PPP3CB: variants seen among roughly 807,000 people sequenced by gnomAD.
The protein encoded by PPP3CB is serine/threonine-protein phosphatase 2B catalytic subunit beta isoform.
A neutral mutation model predicts 66.4 loss-of-function variants in PPP3CB; 8 were observed. That is an observed-to-expected ratio of 0.12 (90% CI 0.07 to 0.22). The LOEUF (loss-of-function observed/expected upper bound fraction) is 0.22. PPP3CB is among the 10% of genes least tolerant of loss of function. The pLI is 1.00. For synonymous variants in PPP3CB, 208 were observed against 221.2 expected, an observed-to-expected ratio of 0.94 and a Z score of 0.53; for missense variants, 319 against 642.5, an observed-to-expected ratio of 0.50 and a Z score of 5.44.
At chr10:73,468,187 G>A (rs1310084469) in intron 8 of PPP3CB, among the ~76,000 whole-genome samples, 3 of 151,982 alleles carry the variant, frequency 2.0e-5, no homozygotes, top group Non-Finnish European at 4.4e-5. Context: ...GAATGTATTT[G>A]TTTCATTTAA....
intron 9 of PPP3CB, 148 bp downstream of exon 9, chr10:73,467,405 C>G: frequency 3.7e-6 from 2 of 547,430 alleles, no homozygotes; most frequent in South Asian, 3.8e-5. Context: ...CTTTGAGACT[C>G]TTATGTCCAC....
chr10:73,474,668 G>A (rs1226378207), intron 4 of PPP3CB, among the ~76,000 whole-genome samples: 1 of 151,394 alleles, frequency 6.6e-6, no homozygotes, highest in Non-Finnish European at 1.5e-5. Flanking sequence ...TCCAACTCCT[G>A]AGCTCAGGCA....
intron 9 of PPP3CB, among the ~76,000 whole-genome samples, chr10:73,464,313 T>C (rs1175406168): frequency 1.3e-5 from 2 of 152,208 alleles, no homozygotes; most frequent in East Asian, 3.8e-4. Flanking sequence ...ATTATCATTA[T>C]TTATATATAT....
rs1045407719 is a variant in PPP3CB, at chr10:73,437,530, A to T, written c.*712T>A. 4 of 152,662 alleles carry T rather than the reference A, an allele frequency of 2.6e-5. No individual in the cohort carries two copies. Among genetic ancestry groups the T allele is most frequent in the African/African-American group, 9.6e-5 (4 of 41,454 alleles). The allele number at this position is 152,662 out of a possible 1,614,324, so 9.5% of individuals were successfully genotyped here. A position where few individuals can be genotyped will look rare whatever the true frequency, so the allele number is the denominator to read the frequency against. ...ATTCTGTAATTCTTCATAATTTTGA[A>T]ATTTAGAGGTTTTCTTCTTAAATCT... On this transcript the variant is annotated 3_prime_UTR_variant, in exon 14 of 14. Transcript: ENST00000360663.
rs532827244 is a variant in PPP3CB at position 73,493,241 on chromosome 10, A to G, written c.85+2564T>C. 1.5e-4 allele frequency among the ~76,000 whole-genome samples: 22 copies of G among 148,794 alleles called. No individual in the cohort carries two copies. In the South Asian group the frequency reaches 4.6e-3, roughly 31 times the overall value. ...CAGTGAGTAGAGATCGCGCCACTGCACTCCACTTGGGCAACAAGAGTGAAA... is the reference window on the plus strand; with the variant it reads ...CAGTGAGTAGAGATCGCGCCACTGCGCTCCACTTGGGCAACAAGAGTGAAA... On this transcript the variant is annotated intron_variant, in intron 1 of 13. Transcript: ENST00000360663.
At chr10:73,439,794 A>C (rs1589679372) in intron 13 of PPP3CB, 78 bp downstream of exon 13, 4 of 1,503,136 alleles carry the variant, frequency 2.7e-6, no homozygotes, top group Non-Finnish European at 3.7e-6. Flanking sequence ...GCTAGGAGTA[A>C]AACACACCCA....
At chr10:73,470,808 T>A in intron 7 of PPP3CB, 27 bp from the exon 8 acceptor site, 1 of 1,585,268 alleles carries the variant, frequency 6.3e-7, no homozygotes, top group Non-Finnish European at 8.7e-7. Context: ...TTAATATGCA[T>A]CGTAAAGCAT....
chr10:73,457,613 C>G (rs988029605), intron 9 of PPP3CB, among the ~76,000 whole-genome samples: 1 of 151,882 alleles, frequency 6.6e-6, no homozygotes, highest in Non-Finnish European at 1.5e-5. Context: ...TGGCACATGC[C>G]TGTAATCCCA....
At chr10:73,454,949 T>C (rs1409004073) in intron 9 of PPP3CB, among the ~76,000 whole-genome samples, 1 of 151,894 alleles carries the variant, frequency 6.6e-6, no homozygotes, top group African/African-American at 2.4e-5. Flanking sequence ...CTCGGCTCAC[T>C]GCAACCTCTG....
chr10:73,493,747 A>C (rs2057115904), intron 1 of PPP3CB, among the ~76,000 whole-genome samples: 1 of 152,224 alleles, frequency 6.6e-6, no homozygotes, highest in African/African-American at 2.4e-5. Flanking sequence ...TGATAACCAT[A>C]AGCTTTATTT....
intron 4 of PPP3CB, among the ~76,000 whole-genome samples, chr10:73,474,097 C>T (rs144074194): frequency 0.045 from 6,813 of 151,964 alleles, 464 homozygotes; most frequent in African/African-American, 0.15. Flanking sequence ...GGCTGGAGTA[C>T]AATGGCGCGA....
In PPP3CB at chr10:73,455,191, TTAAAAA is replaced by T. The variant is rs1432141709; in HGVS notation, c.1109-708_1109-703del. The stretch of plus-strand genomic sequence containing the variant: ...GGCCACTGCGCCTGGCCTTAATCTT[TTAAAAA>T]CTGGCTCAGCAACTCTCTTGAAATT... On this transcript the variant is annotated intron_variant, in intron 9 of 13. Coordinates refer to ENST00000360663, the MANE Select transcript of PPP3CB (RefSeq NM_021132.4). Among the ~76,000 whole-genome samples, 8 of 152,220 alleles carry T rather than the reference TTAAAAA, an allele frequency of 5.3e-5. No individual in the cohort carries two copies. In the East Asian group the frequency reaches 1.4e-3, roughly 26 times the overall value.
chr10:73,488,710 A>C (rs1400245430), intron 1 of PPP3CB, among the ~76,000 whole-genome samples: 1 of 152,148 alleles, frequency 6.6e-6, no homozygotes, highest in Non-Finnish European at 1.5e-5. Context: ...GTCTCTTTTA[A>C]TTTGTGGTGG....
chr10:73,446,642 A>G, intron 10 of PPP3CB, 69 bp from the exon 11 acceptor site: 1 of 1,423,344 alleles, frequency 7.0e-7, no homozygotes. Flanking sequence ...ATATTCTATT[A>G]GCCTGTTCCA....
Position 73,438,207 on chromosome 10 carries a change from G to A in PPP3CB, c.*35C>T. 1 of 1,594,944 alleles carries A rather than the reference G, an allele frequency of 6.3e-7. No homozygotes were observed. The highest frequency in any genetic ancestry group is 8.6e-7 in the Non-Finnish European group (1 of 1,166,714). ...CTCCTCGGGTGATCTGTCCATTTGG[G>A]GCCCGAGATGTGAGAGTCCCTGGGA... is the stretch of plus-strand genomic sequence containing the variant. On this transcript the variant is annotated 3_prime_UTR_variant, in exon 14 of 14. Coordinates refer to ENST00000360663, the MANE Select transcript of PPP3CB (RefSeq NM_021132.4).
intron 12 of PPP3CB, among the ~76,000 whole-genome samples, chr10:73,442,170 A>G (rs2056160197): frequency 6.6e-6 from 1 of 152,202 alleles, no homozygotes; most frequent in African/African-American, 2.4e-5. Context: ...ACTAGAAGCT[A>G]TCTAGTTTAA....
At chr10:73,444,301 C>T in intron 12 of PPP3CB, 1 of 363,522 alleles carries the variant, frequency 2.8e-6, no homozygotes, top group Non-Finnish European at 5.0e-6. Flanking sequence ...TAAGCATAGT[C>T]CAATACAATG....
At chr10:73,494,752 C>T (rs1033224100) in intron 1 of PPP3CB, among the ~76,000 whole-genome samples, 2 of 151,926 alleles carry the variant, frequency 1.3e-5, no homozygotes, top group African/African-American at 4.8e-5. Context: ...AATACTGTGC[C>T]AGTGTATTTG....
rs1410918052 is a variant in PPP3CB, at chr10:73,436,700, C to T, written c.*1542G>A. ...TAATCAAATTACCATGAACTATCCACGAGATAATCTCCGGAGGACATCCCA... is the reference window on the plus strand; with the variant it reads ...TAATCAAATTACCATGAACTATCCATGAGATAATCTCCGGAGGACATCCCA... On this transcript the variant is annotated 3_prime_UTR_variant, in exon 14 of 14. Coordinates refer to ENST00000360663, the MANE Select transcript of PPP3CB (RefSeq NM_021132.4). The T allele has an allele frequency of 5.3e-5, 8 of 152,202 alleles. No homozygotes were observed. The highest frequency in any genetic ancestry group is 8.8e-5 in the Non-Finnish European group (6 of 68,026). The allele number at this position is 152,202 out of a possible 1,614,324, so 9.4% of individuals were successfully genotyped here.
Sources: allele counts gnomAD v4.1 joint callset (sites outside exome capture counted in the v4.1 genomes callset), GRCh38; gene constraint gnomAD v4.1.1; transcripts MANE v1.5; gene names NCBI Gene and HGNC (gene_info 2026-07-23, HGNC 2026-07-21).